LRIG1: variants seen among roughly 807,000 people sequenced by gnomAD.
LRIG1 encodes the protein leucine rich repeats and immunoglobulin like domains 1, also known as leucine-rich repeats and immunoglobulin-like domains protein 1.
In LRIG1, 48 loss-of-function variants were observed where a neutral mutation model predicts 99.2. That is an observed-to-expected ratio of 0.48 (90% CI 0.38 to 0.62). LRIG1 has a LOEUF of 0.62. LRIG1 is among the 20% of genes least tolerant of loss of function. The pLI is 0.00. For missense variants in LRIG1, 1,646 were observed against 1,434.4 expected (o/e 1.15, Z -2.38); for synonymous variants, 772 against 596.1 (o/e 1.29, Z -4.30).
chr3:66,393,870 C>T (rs1233107017), intron 12 of LRIG1, among the ~76,000 whole-genome samples, 170 bp downstream of exon 12: 2 of 152,188 alleles, frequency 1.3e-5, no homozygotes, highest in Admixed American at 6.5e-5. Flanking sequence ...GGCAACTCTA[C>T]GGTAAATACT....
rs561334342 is a variant in LRIG1 at position 66,381,550 on chromosome 3, C to G, written c.2699G>C (p.Gly900Ala). ...CCACGGCTCTTTGTGATACGCAGAC[C>G]CAGCACAGAGCTTTGGCTGCCTGCA... The part of the protein sequence containing the change: ...VACRQPKLCA[G>A]SAYHKEPWKA... Residue 900 changes from glycine to alanine, a missense_variant, in exon 17 of 19, where the codon GGG becomes GCG. By Grantham distance (60) the Gly-to-Ala change is moderately conservative (BLOSUM62 0). Coordinates refer to ENST00000273261, the MANE Select transcript of LRIG1 (RefSeq NM_015541.3). 122 of 1,614,120 alleles carry G rather than the reference C, an allele frequency of 7.6e-5. No individual in the cohort carries two copies. In the South Asian group the frequency reaches 1.3e-3, roughly 17 times the overall value.
intron 2 of LRIG1, among the ~76,000 whole-genome samples, chr3:66,455,868 A>G (rs1700206416): frequency 6.6e-6 from 1 of 152,242 alleles, no homozygotes; most frequent in South Asian, 2.1e-4. Flanking sequence ...AGCGTAGGAT[A>G]TAATTACTTT....
At chr3:66,391,128 C>T (rs1286637772) in intron 12 of LRIG1, among the ~76,000 whole-genome samples, 2 of 152,056 alleles carry the variant, frequency 1.3e-5, no homozygotes, top group Non-Finnish European at 1.5e-5. Flanking sequence ...TTTACACTCA[C>T]GAGTACATCC....
In LRIG1 at chr3:66,442,929, C is replaced by CCT. The variant is rs145999165; in HGVS notation, c.365+8628_365+8629dup. On this transcript the variant is annotated intron_variant, in intron 3 of 18. Transcript: ENST00000273261. ...TCTCAGCAAATGACTTGCAGATGTA[C>CCT]CTCTCATCTGGCTGGCTCACCACCC... Among the ~76,000 whole-genome samples the CCT allele has an allele frequency of 1.8e-3, 270 of 152,164 alleles. 4 individuals carry two copies. In the East Asian group the frequency reaches 0.04, roughly 23 times the overall value.
chr3:66,449,861 G>A (rs968155344), intron 3 of LRIG1, among the ~76,000 whole-genome samples: 27 of 152,196 alleles, frequency 1.8e-4, no homozygotes, highest in Admixed American at 1.4e-3. Context: ...ACTTGAACTC[G>A]TGGACAAACG....
intron 5 of LRIG1, among the ~76,000 whole-genome samples, chr3:66,414,355 C>A (rs188018100): frequency 4.0e-5 from 6 of 151,848 alleles, no homozygotes; most frequent in African/African-American, 4.8e-5. Flanking sequence ...TGAGATCACA[C>A]CACTGCACCC....
intron 13 of LRIG1, among the ~76,000 whole-genome samples, chr3:66,385,191 A>C (rs1461207473): frequency 6.6e-6 from 1 of 152,020 alleles, no homozygotes; most frequent in Non-Finnish European, 1.5e-5. Context: ...TCCCCTTGAC[A>C]AGCTCCAAGG....
rs1702577349 is a variant in LRIG1, at chr3:66,414,932, C to T, written c.635G>A (p.Arg212Lys). 2 of 1,603,970 alleles carry T rather than the reference C, an allele frequency of 1.2e-6. No individual in the cohort carries two copies. The highest frequency in any genetic ancestry group is 3.3e-4 in the Middle Eastern group (2 of 6,006). ...TTTCTGTACTCACAGTTGTGTCAGC[C>T]TGGGTAGCTTGAATGCTCTTACAGG... ...QLPVRAFKLPRLTQLDLNRNR... is the reference protein window; with the variant it reads ...QLPVRAFKLPKLTQLDLNRNR... The change falls in exon 5 of 19, where the codon AGG becomes AAG. Residue 212 changes from arginine (R) to lysine (K), a missense_variant. Transcript: ENST00000273261.
At chr3:66,447,587 T>G (rs868684568) in intron 3 of LRIG1, among the ~76,000 whole-genome samples, 1 of 152,214 alleles carries the variant, frequency 6.6e-6, no homozygotes, top group East Asian at 1.9e-4. Context: ...CAAGGCACCA[T>G]AAAGGGATGA....
Position 66,381,565 on chromosome 3 carries a change from G to C in LRIG1, c.2684C>G (p.Pro895Arg). The C allele has an allele frequency of 1.2e-6, 2 of 1,614,012 alleles. No individual in the cohort carries two copies. Among genetic ancestry groups the C allele is most frequent in the African/African-American group, 1.3e-5 (1 of 74,970 alleles). Residue 895 changes from proline (P) to arginine (R), a missense_variant, in exon 17 of 19, where the codon CCA becomes CGA. Transcript: ENST00000273261. ...ATACGCAGACCCAGCACAGAGCTTT[G>C]GCTGCCTGCAGGCAACGCTGTGAGT... ...PDTHSVACRQPKLCAGSAYHK... is the reference protein window; with the variant it reads ...PDTHSVACRQRKLCAGSAYHK...
chr3:66,452,814 G>A (rs1333532085), intron 2 of LRIG1, among the ~76,000 whole-genome samples: 1 of 152,180 alleles, frequency 6.6e-6, no homozygotes, highest in Non-Finnish European at 1.5e-5. Flanking sequence ...GCCAGTTAGG[G>A]ATGAAGCTTG....
intron 1 of LRIG1, among the ~76,000 whole-genome samples, chr3:66,481,723 T>G (rs1700856338): frequency 1.3e-5 from 2 of 152,240 alleles, no homozygotes; most frequent in Admixed American, 1.3e-4. Context: ...GAAGTAGTGA[T>G]CTTTGTGGCA....
At chr3:66,467,412 G>A (rs919260665) in intron 1 of LRIG1, among the ~76,000 whole-genome samples, 19 of 141,080 alleles carry the variant, frequency 1.3e-4, no homozygotes, top group Non-Finnish European at 2.4e-4. Flanking sequence ...CCAGGCTGGC[G>A]TGCAGCGGTG....
intron 1 of LRIG1, among the ~76,000 whole-genome samples, chr3:66,499,070 A>G (rs1701292065): frequency 6.6e-6 from 1 of 152,222 alleles, no homozygotes. Context: ...AATGCGGACT[A>G]TTTAAGCTAG....
At chr3:66,494,639 T>C (rs551102999) in intron 1 of LRIG1, among the ~76,000 whole-genome samples, 22 of 152,164 alleles carry the variant, frequency 1.4e-4, no homozygotes, top group South Asian at 4.1e-4. Context: ...GTAAAAACCA[T>C]TGATAACAAA....
At position 66,379,586 on chromosome 3, in the gene LRIG1, G is replaced by T. The variant is rs77570322; in HGVS notation, c.*677C>A. 2 of 151,324 alleles carry T rather than the reference G, an allele frequency of 1.3e-5. No homozygotes were observed. Among genetic ancestry groups the T allele is most frequent in the African/African-American group, 2.4e-5 (1 of 41,274 alleles). The allele number at this position is 151,324 out of a possible 1,614,324, so 9.4% of individuals were successfully genotyped here. ...AACCCTCATTCTACGCCTTACAGACGGACAGATTCTACGCCTTACAGACAG... is the reference window on the plus strand; with the variant it reads ...AACCCTCATTCTACGCCTTACAGACTGACAGATTCTACGCCTTACAGACAG... On this transcript the variant is annotated 3_prime_UTR_variant, in exon 19 of 19. Coordinates refer to ENST00000273261, the MANE Select transcript of LRIG1 (RefSeq NM_015541.3).
At chr3:66,486,800 A>G (rs1025486095) in intron 1 of LRIG1, among the ~76,000 whole-genome samples, 3 of 152,190 alleles carry the variant, frequency 2.0e-5, no homozygotes, top group African/African-American at 2.4e-5. Flanking sequence ...GAATTTTCCA[A>G]CTACACTGTA....
intron 3 of LRIG1, among the ~76,000 whole-genome samples, chr3:66,421,483 G>A (rs959317661): frequency 2.0e-5 from 3 of 152,168 alleles, no homozygotes; most frequent in Admixed American, 6.5e-5. Context: ...ATCCAGCGGG[G>A]CAGTCATGTC....
rs780573277 is a variant in LRIG1, at chr3:66,380,745, T to A, written c.2887A>T (p.Asn963Tyr). ...TCACTCCCACCCGGCTCCGGGCCAT[T>A]TGGCGCACTTGGCTGTGCGCTGTCT... ...SRDSAQPSAP[N>Y]GPEPGGSDQE... The change falls in exon 18 of 19, where the codon AAT becomes TAT. Residue 963 changes from asparagine to tyrosine, a missense_variant. Physicochemically the swap from Asn to Tyr is moderately radical, Grantham distance 143 (BLOSUM62 -2). Transcript: ENST00000273261. 11 of 1,614,064 alleles carry A rather than the reference T, an allele frequency of 6.8e-6. No individual in the cohort carries two copies. The highest frequency in any genetic ancestry group is 1.3e-5 in the African/African-American group (1 of 74,934).
Sources: allele counts gnomAD v4.1 joint callset (sites outside exome capture counted in the v4.1 genomes callset), GRCh38; gene constraint gnomAD v4.1.1; transcripts MANE v1.5; gene names NCBI Gene and HGNC (gene_info 2026-07-23, HGNC 2026-07-21).